Variants in FAM227B observed in about 807,000 individuals in gnomAD.
FAM227B encodes the protein protein FAM227B.
In FAM227B, 88 loss-of-function variants were observed where a neutral mutation model predicts 73.8. That is an observed-to-expected ratio of 1.19 (90% CI 1.00 to 1.42). The LOEUF is 1.42. Among genes scored for constraint, FAM227B ranks in the 40% most tolerant of loss-of-function variants. FAM227B has a pLI of 0.00. For synonymous variants in FAM227B, 210 were observed against 190.5 expected (o/e 1.10, Z -0.84); for missense variants, 632 against 590.9 (o/e 1.07, Z -0.72).
chr15:49,611,582 T>C (rs2077920590), intron 2 of FAM227B, among the ~76,000 whole-genome samples: 1 of 152,230 alleles, frequency 6.6e-6, no homozygotes, highest in South Asian at 2.1e-4. Context: ...TATTTTGGGC[T>C]ATCATGGATA....
chr15:49,414,844 GA>G (rs2049106096), intron 11 of FAM227B, among the ~76,000 whole-genome samples: 1 of 152,094 alleles, frequency 6.6e-6, no homozygotes, highest in African/African-American at 2.4e-5. Flanking sequence ...ACTATCGAGG[GA>G]AAAATATAAG....
In FAM227B at chr15:49,549,206, T is replaced by C. The variant is rs181820110; in HGVS notation, c.748-7400A>G. On this transcript the variant is annotated intron_variant, in intron 9 of 15. Transcript: ENST00000299338. ...TGGATTTTGGCATGTTGTGTTTCCA[T>C]AGTCGTTTGTTTAAAGAGATTTTTC... 1.9e-3 allele frequency among the ~76,000 whole-genome samples: 285 copies of C among 152,290 alleles called. 1 individual carries two copies. Among genetic ancestry groups the C allele is most frequent in the Non-Finnish European group, 3.4e-3 (234 of 68,026 alleles).
chr15:49,477,984 T>A (rs995843449), intron 11 of FAM227B, among the ~76,000 whole-genome samples: 4 of 152,184 alleles, frequency 2.6e-5, no homozygotes, highest in African/African-American at 9.7e-5. Context: ...CCTGGGTATA[T>A]TGTGTGATAC....
chr15:49,454,926 C>T (rs2053137008), intron 11 of FAM227B, among the ~76,000 whole-genome samples: 1 of 152,084 alleles, frequency 6.6e-6, no homozygotes, highest in South Asian at 2.1e-4. Flanking sequence ...ATTCTTAAAG[C>T]ACTCTCTGCA....
intron 10 of FAM227B, among the ~76,000 whole-genome samples, chr15:49,512,418 T>A (rs186368111): frequency 7.9e-5 from 12 of 152,246 alleles, no homozygotes; most frequent in African/African-American, 2.9e-4. Context: ...GCTTCTTCTA[T>A]TAATTACTAA....
At chr15:49,429,702 T>A (rs1035599873) in intron 11 of FAM227B, among the ~76,000 whole-genome samples, 9 of 151,978 alleles carry the variant, frequency 5.9e-5, no homozygotes, top group Non-Finnish European at 1.0e-4. Context: ...CCACAAAAAA[T>A]TTTTCATTAA....
intron 11 of FAM227B, chr15:49,487,790 A>C (rs2056526679): frequency 6.6e-6 from 1 of 151,952 alleles, no homozygotes; most frequent in African/African-American, 2.4e-5. Context: ...TTACTCCATA[A>C]TATATTTGTG....
chr15:49,575,182 T>A lies in FAM227B; in HGVS notation c.547-73A>T, dbSNP rs1172168182. On this transcript the variant is annotated intron_variant, in intron 7 of 15. Coordinates refer to ENST00000299338, the MANE Select transcript of FAM227B (RefSeq NM_152647.3). ...CAAAACATGTTAATGTAAATAGGCTTTATAAAGAGTATGCTTTCATTGCTT... is the reference window on the plus strand; with the variant it reads ...CAAAACATGTTAATGTAAATAGGCTATATAAAGAGTATGCTTTCATTGCTT... 3.8e-5 allele frequency: 30 copies of A among 795,330 alleles called. No individual in the cohort carries two copies. The East Asian group carries it at 8.1e-4, about 22-fold the overall frequency. The allele number at this position is 795,330 out of a possible 1,614,324, so 49.3% of individuals were successfully genotyped here. A position where few individuals can be genotyped will look rare whatever the true frequency, so the allele number is the denominator to read the frequency against.
chr15:49,531,378 A>T (rs887298448), intron 10 of FAM227B, among the ~76,000 whole-genome samples: 1 of 151,994 alleles, frequency 6.6e-6, no homozygotes, highest in African/African-American at 2.4e-5. Context: ...AAATAATCAT[A>T]GAAAAATTTA....
chr15:49,504,923 T>C (rs139975937), intron 11 of FAM227B, among the ~76,000 whole-genome samples: 6 of 152,306 alleles, frequency 3.9e-5, no homozygotes, highest in Non-Finnish European at 8.8e-5. Context: ...TAAAATCCTA[T>C]ATCCGAACAA....
chr15:49,581,283 C>CA (rs1183555058), intron 5 of FAM227B, among the ~76,000 whole-genome samples: 1 of 150,894 alleles, frequency 6.6e-6, no homozygotes, highest in Non-Finnish European at 1.5e-5. Flanking sequence ...GACCTTTCAG[C>CA]AAAAATCCTA....
intron 13 of FAM227B, among the ~76,000 whole-genome samples, chr15:49,364,312 G>A (rs746587415): frequency 8.6e-5 from 13 of 151,920 alleles, no homozygotes; most frequent in African/African-American, 2.9e-4. Flanking sequence ...GTCTGTTCAG[G>A]GATTCAGTTT....
At chr15:49,442,214 G>A (rs913771355) in intron 11 of FAM227B, among the ~76,000 whole-genome samples, 1 of 151,424 alleles carries the variant, frequency 6.6e-6, no homozygotes, top group Non-Finnish European at 1.5e-5. Context: ...ATTCTAGCCA[G>A]CCAATCTATT....
intron 9 of FAM227B, among the ~76,000 whole-genome samples, chr15:49,543,618 T>C (rs1484012319): frequency 6.6e-6 from 1 of 152,194 alleles, no homozygotes; most frequent in Non-Finnish European, 1.5e-5. Flanking sequence ...TGTTATCTTC[T>C]AGAATTTTTA....
intron 11 of FAM227B, among the ~76,000 whole-genome samples, chr15:49,422,074 A>G (rs542749566): frequency 6.0e-5 from 9 of 150,104 alleles, no homozygotes; most frequent in South Asian, 2.1e-4. Context: ...TCCTTTTCCT[A>G]TTTGGTCTAC....
At chr15:49,517,819 G>A (rs1490414917) in intron 10 of FAM227B, among the ~76,000 whole-genome samples, 1 of 152,062 alleles carries the variant, frequency 6.6e-6, no homozygotes, top group Non-Finnish European at 1.5e-5. Context: ...GTAACTATTA[G>A]TCTCACTACT....
chr15:49,608,149 A>C (rs1284051159), intron 3 of FAM227B, among the ~76,000 whole-genome samples: 1 of 152,172 alleles, frequency 6.6e-6, no homozygotes, highest in Non-Finnish European at 1.5e-5. Context: ...CAAAAGAACA[A>C]AAGAATTGGA....
intron 9 of FAM227B, among the ~76,000 whole-genome samples, chr15:49,551,664 T>G (rs1193532546): frequency 6.6e-6 from 1 of 152,204 alleles, no homozygotes; most frequent in Non-Finnish European, 1.5e-5. Flanking sequence ...GTTCTTCTCT[T>G]CCTTCTTTCT....
chr15:49,458,546 C>G (rs2053521854), intron 11 of FAM227B, among the ~76,000 whole-genome samples: 1 of 152,058 alleles, frequency 6.6e-6, no homozygotes, highest in South Asian at 2.1e-4. Context: ...AGAAGAAACT[C>G]TTTAAGAACA....
Sources: allele counts gnomAD v4.1 joint callset (sites outside exome capture counted in the v4.1 genomes callset), GRCh38; gene constraint gnomAD v4.1.1; transcripts MANE v1.5; gene names NCBI Gene and HGNC (gene_info 2026-07-23, HGNC 2026-07-21).